Variants in PTPRD observed in about 807,000 individuals in gnomAD.
The protein encoded by PTPRD is receptor-type tyrosine-protein phosphatase delta.
PTPRD carries 34 observed loss-of-function variants against 214.5 expected under a neutral mutation model. The ratio of observed to expected loss-of-function variants is 0.16; its 90% CI spans 0.12 to 0.21. The LOEUF (loss-of-function observed/expected upper bound fraction) is 0.21. PTPRD is among the 10% of genes least tolerant of loss of function. The pLI is 1.00. For missense variants in PTPRD, 2,545 were observed against 2,398.7 expected (o/e 1.06, Z -1.27); for synonymous variants, 1,128 against 845.7 (o/e 1.33, Z -5.79).
intron 11 of PTPRD, among the ~76,000 whole-genome samples, chr9:8,794,723 A>AT (rs1411128005): frequency 2.0e-5 from 3 of 152,126 alleles, no homozygotes; most frequent in African/African-American, 7.2e-5. Context: ...TTTCAAAGAG[A>AT]TTTTAAGTTC....
chr9:10,208,607 T>C (rs924147072), intron 3 of PTPRD, among the ~76,000 whole-genome samples: 2 of 152,252 alleles, frequency 1.3e-5, no homozygotes, highest in Admixed American at 1.3e-4. Flanking sequence ...CCAGAAGTTA[T>C]TTCATCTTTT....
intron 32 of PTPRD, 35 bp from the exon 33 acceptor site, chr9:8,460,606 T>C (rs2134166137): frequency 6.3e-7 from 1 of 1,590,138 alleles, no homozygotes; most frequent in Non-Finnish European, 8.5e-7. Context: ...AGTTATAAAA[T>C]AATGACTTTC....
At chr9:9,974,511 A>AT (rs1464439900) in intron 4 of PTPRD, among the ~76,000 whole-genome samples, 2 of 152,174 alleles carry the variant, frequency 1.3e-5, no homozygotes, top group African/African-American at 2.4e-5. Context: ...GCATAAGGAT[A>AT]TTTTATATTT....
chr9:10,385,073 T>C (rs967967305), intron 2 of PTPRD, among the ~76,000 whole-genome samples: 2 of 151,866 alleles, frequency 1.3e-5, no homozygotes, highest in African/African-American at 4.8e-5. Flanking sequence ...ATTTTTCAAT[T>C]TGGATTAGTC....
chr9:10,260,643 G>A (rs1341149211), intron 3 of PTPRD, among the ~76,000 whole-genome samples: 1 of 152,120 alleles, frequency 6.6e-6, no homozygotes, highest in African/African-American at 2.4e-5. Context: ...GTGTGGTAGT[G>A]AATGTCACTA....
chr9:8,780,522 A>T (rs542095942), intron 11 of PTPRD, among the ~76,000 whole-genome samples: 4 of 152,302 alleles, frequency 2.6e-5, no homozygotes, highest in Admixed American at 1.3e-4. Flanking sequence ...TGGGAGAAGG[A>T]GGTACCGGAG....
chr9:9,123,998 C>G (rs144706735), intron 10 of PTPRD, among the ~76,000 whole-genome samples: 2 of 148,448 alleles, frequency 1.3e-5, no homozygotes, highest in African/African-American at 5.0e-5. Context: ...GGCATATTGT[C>G]TAAAAGGTGG....
rs188169828 is a variant in PTPRD, at chr9:10,482,096, G to A, written c.-600+130302C>T. Among the ~76,000 whole-genome samples the A allele has an allele frequency of 1.1e-3, 173 of 152,306 alleles. 4 individuals are homozygous for A. The South Asian group carries it at 0.018, about 16-fold the overall frequency. ...GATAAAAAAAACAAATGTTGGCCGGGCGCGGTGGCTCACGCCTGTAATCCC... is the reference window on the plus strand; with the variant it reads ...GATAAAAAAAACAAATGTTGGCCGGACGCGGTGGCTCACGCCTGTAATCCC... On this transcript the variant is annotated intron_variant, in intron 2 of 45. Transcript: ENST00000381196.
intron 3 of PTPRD, among the ~76,000 whole-genome samples, chr9:10,217,002 G>A (rs1046423449): frequency 2.6e-5 from 4 of 151,702 alleles, no homozygotes; most frequent in Admixed American, 2.0e-4. Context: ...TATTGTTATT[G>A]GCCTGCAACT....
Position 8,688,551 on chromosome 9 carries a change from C to G in PTPRD, c.64+45229G>C, listed in dbSNP as rs544995541. Among the ~76,000 whole-genome samples the G allele has an allele frequency of 2.2e-5, 3 of 138,550 alleles. No homozygotes were observed. In the South Asian group the frequency reaches 6.7e-4, roughly 31 times the overall value. The allele number at this position is 138,550 out of a possible 152,430, so 90.9% of individuals were successfully genotyped here. A position where few individuals can be genotyped will look rare whatever the true frequency, so the allele number is the denominator to read the frequency against. On this transcript the variant is annotated intron_variant, in intron 12 of 45. Coordinates refer to ENST00000381196, the MANE Select transcript of PTPRD (RefSeq NM_002839.4). Reference sequence around the variant, plus strand: ...CTGCGCTCCAGCCTGGGCGATAGAGCGAGACTCTGTCTCAAAAAAAAAAAA... The same window carrying G: ...CTGCGCTCCAGCCTGGGCGATAGAGGGAGACTCTGTCTCAAAAAAAAAAAA...
chr9:9,365,169 G>T (rs1479508442), intron 9 of PTPRD, among the ~76,000 whole-genome samples: 3 of 151,444 alleles, frequency 2.0e-5, no homozygotes, highest in African/African-American at 4.8e-5. Context: ...CAAAATATTG[G>T]ATCACAGCTT....
At chr9:8,562,232 T>A (rs1453047259) in intron 14 of PTPRD, among the ~76,000 whole-genome samples, 2 of 152,114 alleles carry the variant, frequency 1.3e-5, no homozygotes, top group Non-Finnish European at 2.9e-5. Flanking sequence ...TACTGAGGAC[T>A]CATTATCTGG....
At chr9:10,441,323 A>G (rs2098756964) in intron 2 of PTPRD, among the ~76,000 whole-genome samples, 1 of 151,750 alleles carries the variant, frequency 6.6e-6, no homozygotes, top group African/African-American at 2.4e-5. Context: ...AGAGACCAAG[A>G]TGGACTTCCT....
intron 10 of PTPRD, among the ~76,000 whole-genome samples, chr9:9,143,895 G>C (rs1202618027): frequency 6.6e-6 from 1 of 152,156 alleles, no homozygotes; most frequent in East Asian, 1.9e-4. Flanking sequence ...CCTCTTACAC[G>C]TAATACCTCA....
intron 7 of PTPRD, among the ~76,000 whole-genome samples, chr9:9,713,086 G>T (rs952986009): frequency 6.6e-6 from 1 of 152,104 alleles, no homozygotes; most frequent in African/African-American, 2.4e-5. Flanking sequence ...ATATGGGCAA[G>T]ATTATTCTAC....
intron 2 of PTPRD, among the ~76,000 whole-genome samples, chr9:10,476,774 C>G (rs766803404): frequency 3.9e-5 from 6 of 152,130 alleles, no homozygotes; most frequent in Non-Finnish European, 7.4e-5. Flanking sequence ...CAGCATGGTA[C>G]TGGTACAAAA....
intron 7 of PTPRD, among the ~76,000 whole-genome samples, chr9:9,649,595 A>G (rs973846367): frequency 5.3e-5 from 8 of 152,256 alleles, no homozygotes; most frequent in Non-Finnish European, 1.2e-4. Flanking sequence ...GAGACTAAAT[A>G]TCACTGCCTT....
intron 43 of PTPRD, among the ~76,000 whole-genome samples, chr9:8,334,458 G>C (rs1247093452): frequency 6.8e-6 from 1 of 146,188 alleles, no homozygotes; most frequent in African/African-American, 2.6e-5. Context: ...ATAACAGAAT[G>C]AAGGCAGAAA....
intron 8 of PTPRD, among the ~76,000 whole-genome samples, chr9:9,555,016 A>G (rs2081178319): frequency 6.6e-6 from 1 of 152,080 alleles, no homozygotes; most frequent in Admixed American, 6.6e-5. Context: ...ATTTGTGCAA[A>G]GAGGAAAATA....
Sources: gnomAD v4.1 joint callset for allele counts (sites outside exome capture counted in the v4.1 genomes callset) on GRCh38, gnomAD v4.1.1 for gene constraint, MANE v1.5 for transcripts, NCBI Gene and HGNC (gene_info 2026-07-23, HGNC 2026-07-21) for gene names.